ANPEP: variants seen among roughly 807,000 people sequenced by gnomAD.
ANPEP encodes the protein aminopeptidase N.
ANPEP carries 70 observed loss-of-function variants against 114.6 expected under a neutral mutation model. The observed-to-expected ratio is 0.61, with a 90% confidence interval of 0.50 to 0.75. ANPEP has a LOEUF of 0.75. Among genes scored for constraint, ANPEP ranks in the 30% least tolerant of loss-of-function variants. The pLI is 0.00. For missense variants in ANPEP, 1,184 were observed against 1,259.5 expected (o/e 0.94, Z 0.91); for synonymous variants, 548 against 522.3 (o/e 1.05, Z -0.67).
intron 1 of ANPEP, among the ~76,000 whole-genome samples, chr15:89,811,510 G>A (rs1040807961): frequency 2.6e-5 from 4 of 151,820 alleles, no homozygotes; most frequent in African/African-American, 7.3e-5. Context: ...GCCGGGCGTG[G>A]TGGTGGGCGC....
At chr15:89,795,953 G>A (rs982428661) in intron 15 of ANPEP, among the ~76,000 whole-genome samples, 4 of 152,198 alleles carry the variant, frequency 2.6e-5, no homozygotes, top group African/African-American at 7.2e-5. Flanking sequence ...AGTGGCTCAC[G>A]CCTATAATCA....
Position 89,804,541 on chromosome 15 carries a change from A to AGGATGGGGCCCGTCACGTTCAG in ANPEP, c.952_973dup (p.Leu325ProfsTer9). On this transcript the variant is annotated frameshift_variant, in exon 5 of 21. Coordinates refer to ENST00000300060, the MANE Select transcript of ANPEP (RefSeq NM_001150.3). LOFTEE classifies it high-confidence loss of function. ...GTCATAATGACCAGCAAAGAAGTTA[A>AGGATGGGGCCCGTCACGTTCAG]GGATGGGGCCCGTCACGTTCAGGGC... 1.9e-6 allele frequency: 3 copies of AGGATGGGGCCCGTCACGTTCAG among 1,614,198 alleles called. No homozygotes were observed. The highest frequency in any genetic ancestry group is 2.5e-6 in the Non-Finnish European group (3 of 1,180,032).
rs1340822216 is a variant in ANPEP at position 89,806,510 on chromosome 15, G to T, written c.74C>A (p.Thr25Lys). 1.2e-6 allele frequency: 2 copies of T among 1,613,848 alleles called. No homozygotes were observed. The highest frequency in any genetic ancestry group is 1.7e-6 in the Non-Finnish European group (2 of 1,179,914). The change falls in exon 2 of 21, where the codon ACA becomes AAA. Residue 25 changes from threonine to lysine, a missense_variant. Thr to Lys is a moderately conservative substitution (Grantham distance 78). Coordinates refer to ENST00000300060, the MANE Select transcript of ANPEP (RefSeq NM_001150.3). This position sits in a 1 kb window ranked among gnomAD's most constrained non-coding sequence, Gnocchi z 5.7. ...GTACACCACTGACAGTGCGATGATT[G>T]TGCACACGGCTGCCACGCCCAGGAG... ...GILLGVAAVC[T>K]IIALSVVYSQ... is the part of the protein sequence containing the mutation.
In ANPEP at chr15:89,790,518, A is replaced by T. The variant is rs1189465946; in HGVS notation, c.2693T>A (p.Phe898Tyr). The T allele has an allele frequency of 6.2e-7, 1 of 1,613,940 alleles. No homozygotes were observed. The change falls in exon 20 of 21, where the codon TTC becomes TAC. Residue 898 changes from phenylalanine to tyrosine, a missense_variant. Coordinates refer to ENST00000300060, the MANE Select transcript of ANPEP (RefSeq NM_001150.3). ...TGTCACTGCCTGGATGAGGTTGGAG[A>T]AGGAGAACGAGCCACCACCATAACT... ...FNDYGGGSFSFSNLIQAVTRR... is the reference protein window; with the variant it reads ...FNDYGGGSFSYSNLIQAVTRR...
chr15:89,789,775 C>CAAAAAAAAA (rs57965822), intron 20 of ANPEP, among the ~76,000 whole-genome samples: 34 of 97,432 alleles, frequency 3.5e-4, no homozygotes, highest in Middle Eastern at 7.0e-3. Flanking sequence ...GACTCAGTCT[C>CAAAAAAAAA]AAAAAAAAAA....
At chr15:89,793,204 G>T in intron 15 of ANPEP, 78 bp from the exon 16 acceptor site, 3 of 1,318,058 alleles carry the variant, frequency 2.3e-6, no homozygotes, top group South Asian at 1.2e-5. Flanking sequence ...TCTGATGTTG[G>T]GGGGCAGGCG....
rs1347767118 is a variant in ANPEP at position 89,804,624 on chromosome 15, G to A, written c.898-7C>T. On this transcript the variant is annotated splice_polypyrimidine_tract_variant and splice_region_variant and intron_variant, in intron 4 of 20. Transcript: ENST00000300060. ...GCCGGGCCCAGATCCGGATCTGCAA[G>A]GTGTGAGGAAGAAGCAGACCAGGGG... The A allele has an allele frequency of 1.2e-6, 2 of 1,613,050 alleles. No individual in the cohort carries two copies. Among genetic ancestry groups the A allele is most frequent in the Non-Finnish European group, 1.7e-6 (2 of 1,179,488 alleles).
chr15:89,808,610 A>C (rs1894765834), intron 1 of ANPEP, among the ~76,000 whole-genome samples: 1 of 151,946 alleles, frequency 6.6e-6, no homozygotes, highest in African/African-American at 2.4e-5. Context: ...TCCCCACCCC[A>C]CACCTGCCCC....
chr15:89,792,076 G>A (rs1274955867), intron 18 of ANPEP, 84 bp downstream of exon 18: 1 of 1,488,304 alleles, frequency 6.7e-7, no homozygotes, highest in Non-Finnish European at 9.1e-7. Flanking sequence ...GTCACGTGAA[G>A]GATCTGGCGA....
chr15:89,803,739 G>C lies in ANPEP; in HGVS notation c.1345C>G (p.Leu449Val). ...DVYRVMAVDA[L>V]ASSHPLSTPA... is the part of the protein sequence containing the mutation. ...GTGGACAGCGGGTGGGAGGAGGCCA[G>C]TGCATCCACTGCCATCACGCGGTAC... Residue 449 changes from leucine to valine, a missense_variant, in exon 8 of 21, where the codon CTG becomes GTG. By Grantham distance (32) the Leu-to-Val change is conservative (BLOSUM62 1). Coordinates refer to ENST00000300060, the MANE Select transcript of ANPEP (RefSeq NM_001150.3). This position sits in a 1 kb window ranked among gnomAD's most constrained non-coding sequence, Gnocchi z 4.2. 6.2e-7 allele frequency: 1 copy of C among 1,611,996 alleles called. No individual in the cohort carries two copies. Among genetic ancestry groups the C allele is most frequent in the Non-Finnish European group, 8.5e-7 (1 of 1,178,554 alleles).
intron 14 of ANPEP, among the ~76,000 whole-genome samples, chr15:89,798,579 G>A (rs1567157941): frequency 6.6e-6 from 1 of 151,660 alleles, no homozygotes; most frequent in Non-Finnish European, 1.5e-5. Context: ...AGAGGTCGTA[G>A]TGAGCCAAGA....
chr15:89,785,182 A>T lies in ANPEP; in HGVS notation c.*167T>A. 1.1e-6 allele frequency: 1 copy of T among 907,558 alleles called. No individual in the cohort carries two copies. The highest frequency in any genetic ancestry group is 1.6e-6 in the Non-Finnish European group (1 of 607,940). 56.2% of individuals were successfully genotyped at this position (907,558 alleles called of 1,614,324 possible). A position where few individuals can be genotyped will look rare whatever the true frequency, so the allele number is the denominator to read the frequency against. ...AGGTGCTCAGGCAGCCTGGGTCATC[A>T]GGAACTAGACTGGCTCACAGGCAGA... On this transcript the variant is annotated 3_prime_UTR_variant, in exon 21 of 21. Transcript: ENST00000300060.
chr15:89,797,956 G>A (rs1399534707), intron 14 of ANPEP, among the ~76,000 whole-genome samples: 1 of 152,214 alleles, frequency 6.6e-6, no homozygotes, highest in Non-Finnish European at 1.5e-5. Context: ...CCCATTGGCA[G>A]TTCCACTCCT....
chr15:89,806,608 G>T lies in ANPEP; in HGVS notation c.-25C>A. 1 of 1,552,646 alleles carries T rather than the reference G, an allele frequency of 6.4e-7. No homozygotes were observed. Among genetic ancestry groups the T allele is most frequent in the East Asian group, 2.3e-5 (1 of 43,430 alleles). ...TGGTGATGGTGGGGAGGCGGCTCAG[G>T]GAGCCTCAGGCCAGGCAGAGAACGG... On this transcript the variant is annotated 5_prime_UTR_variant, in exon 2 of 21. Transcript: ENST00000300060. The surrounding 1 kb of genome is among the most constrained non-coding windows in gnomAD (Gnocchi z 5.7).
In ANPEP at chr15:89,803,478, G is replaced by A. The variant is rs1894638068; in HGVS notation, c.1467C>T (p.Ser489=). ...KGASVLRMLS[S]FLSEDVFKQG... ...GCTTGAATACGTCCTCGGACAGGAA[G>A]CTGGAGAGCATCCTGAGGACTGAGG... The change falls in exon 9 of 21, where the codon AGC becomes AGT. Residue 489 remains serine (S), a synonymous_variant. Coordinates refer to ENST00000300060, the MANE Select transcript of ANPEP (RefSeq NM_001150.3). This position sits in a 1 kb window ranked among gnomAD's most constrained non-coding sequence, Gnocchi z 4.2. 6.2e-7 allele frequency: 1 copy of A among 1,606,604 alleles called. No individual in the cohort carries two copies. The highest frequency in any genetic ancestry group is 1.7e-5 in the Admixed American group (1 of 58,802).
At position 89,785,187 on chromosome 15, in the gene ANPEP, C is replaced by A; in HGVS notation, c.*162G>T. On this transcript the variant is annotated 3_prime_UTR_variant, in exon 21 of 21. Transcript: ENST00000300060. Reference sequence around the variant, plus strand: ...CTCAGGCAGCCTGGGTCATCAGGAACTAGACTGGCTCACAGGCAGAGAGAA... The same window carrying A: ...CTCAGGCAGCCTGGGTCATCAGGAAATAGACTGGCTCACAGGCAGAGAGAA... 1 of 959,836 alleles carries A rather than the reference C, an allele frequency of 1.0e-6. No individual in the cohort carries two copies. Among genetic ancestry groups the A allele is most frequent in the Non-Finnish European group, 1.5e-6 (1 of 649,980 alleles). 59.5% of individuals were successfully genotyped at this position (959,836 alleles called of 1,614,324 possible).
rs1029719116 is a variant in ANPEP at position 89,814,000 on chromosome 15, G to C, written c.-224+772C>G. On this transcript the variant is annotated intron_variant, in intron 1 of 20. Coordinates refer to ENST00000300060, the MANE Select transcript of ANPEP (RefSeq NM_001150.3). ...CTGCCCACCGCACTGCTGGGGGGGGGGGGTGCGTTCTGGAGTCATTTGGGG... is the reference window on the plus strand; with the variant it reads ...CTGCCCACCGCACTGCTGGGGGGGGCGGGTGCGTTCTGGAGTCATTTGGGG... Among the ~76,000 whole-genome samples the C allele has an allele frequency of 6.7e-4, 101 of 151,532 alleles. 2 individuals are homozygous for C. In the East Asian group the frequency reaches 0.018, roughly 27 times the overall value.
intron 4 of ANPEP, 52 bp downstream of exon 4, chr15:89,805,026 C>T (rs753714045): frequency 1.2e-6 from 2 of 1,610,534 alleles, no homozygotes; most frequent in Non-Finnish European, 1.7e-6. Flanking sequence ...ACGGGAAGAC[C>T]CCTCAAGCCG....
At chr15:89,808,469 A>G (rs1894763272) in intron 1 of ANPEP, among the ~76,000 whole-genome samples, 1 of 152,224 alleles carries the variant, frequency 6.6e-6, no homozygotes, top group Non-Finnish European at 1.5e-5. Context: ...AGTGCCTGGC[A>G]CACAGTAGGT....
Sources: allele counts gnomAD v4.1 joint callset (sites outside exome capture counted in the v4.1 genomes callset), GRCh38; gene constraint gnomAD v4.1.1; non-coding constraint Gnocchi (gnomAD v3.1); transcripts MANE v1.5; gene names NCBI Gene and HGNC (gene_info 2026-07-23, HGNC 2026-07-21).